Variants in CDC5L observed in about 807,000 individuals in gnomAD.
The protein encoded by CDC5L is cell division cycle 5 like.
In CDC5L, 18 loss-of-function variants were observed where a neutral mutation model predicts 104.1. That is an observed-to-expected ratio of 0.17 (90% CI 0.12 to 0.26). The LOEUF (loss-of-function observed/expected upper bound fraction) is 0.26, where lower values mean the gene tolerates loss of function less well. Among genes scored for constraint, CDC5L ranks in the 10% least tolerant of loss-of-function variants. CDC5L has a pLI of 1.00. For synonymous variants in CDC5L, 331 were observed against 322.7 expected, an observed-to-expected ratio of 1.03 and a Z score of -0.28; for missense variants, 673 against 956.9, an observed-to-expected ratio of 0.70 and a Z score of 3.91.
At chr6:44,405,237 C>T (rs1380403539) in intron 6 of CDC5L, among the ~76,000 whole-genome samples, 1 of 152,066 alleles carries the variant, frequency 6.6e-6, no homozygotes, top group Non-Finnish European at 1.5e-5. Context: ...ACTCCGTTGA[C>T]CTTTCATTTC....
intron 6 of CDC5L, among the ~76,000 whole-genome samples, chr6:44,404,839 T>G (rs1244731518): frequency 6.6e-6 from 1 of 152,094 alleles, no homozygotes; most frequent in Non-Finnish European, 1.5e-5. Context: ...AGTACAGATG[T>G]GTGCCACCAT....
intron 1 of CDC5L, among the ~76,000 whole-genome samples, chr6:44,389,149 A>G (rs1790485448): frequency 6.6e-6 from 1 of 152,188 alleles, no homozygotes; most frequent in Non-Finnish European, 1.5e-5. Flanking sequence ...AATCAAGTAG[A>G]GTAGGTATCT....
intron 1 of CDC5L, among the ~76,000 whole-genome samples, chr6:44,388,876 G>C (rs1209148408): frequency 1.3e-5 from 2 of 151,960 alleles, no homozygotes; most frequent in Non-Finnish European, 2.9e-5. Flanking sequence ...TGTGGTACTC[G>C]GTAAGTTTCT....
At chr6:44,393,638 T>C (rs1790722740) in intron 4 of CDC5L, 65 bp downstream of exon 4, 1 of 1,509,946 alleles carries the variant, frequency 6.6e-7, no homozygotes, top group African/African-American at 1.4e-5. Context: ...CTCACTCTTT[T>C]AGTTCCTTTC....
chr6:44,417,929 A>G (rs1173727673), intron 8 of CDC5L, among the ~76,000 whole-genome samples: 1 of 152,232 alleles, frequency 6.6e-6, no homozygotes, highest in Non-Finnish European at 1.5e-5. Flanking sequence ...TAGTAATTTC[A>G]TATGTGAGGC....
At chr6:44,429,485 A>T (rs1255103382) in intron 13 of CDC5L, among the ~76,000 whole-genome samples, 1 of 152,216 alleles carries the variant, frequency 6.6e-6, no homozygotes, top group African/African-American at 2.4e-5. Flanking sequence ...AAGGATGTTT[A>T]TACTTTTGAG....
In CDC5L at chr6:44,387,940, C is replaced by CGGGG. The variant is rs3215907; in HGVS notation, c.45+76_45+79dup. 9 of 1,464,458 alleles carry CGGGG rather than the reference C, an allele frequency of 6.1e-6. No homozygotes were observed. The East Asian group carries it at 1.3e-4, about 21-fold the overall frequency. The allele number at this position is 1,464,458 out of a possible 1,614,324, so 90.7% of individuals were successfully genotyped here. A position where few individuals can be genotyped will look rare whatever the true frequency, so the allele number is the denominator to read the frequency against. ...AGCTTGTGCGCACGCGCGCGGAGGT[C>CGGGG]GGGGGGGCGACGAGGAGACCCTGTG... On this transcript the variant is annotated intron_variant, in intron 1 of 15. Coordinates refer to ENST00000371477, the MANE Select transcript of CDC5L (RefSeq NM_001253.4).
At chr6:44,411,635 A>AGTGTGTGTGTGTGT (rs372072520) in intron 8 of CDC5L, among the ~76,000 whole-genome samples, 55,344 of 120,748 alleles carry the variant, frequency 0.46, 13,743 homozygotes, top group Non-Finnish European at 0.57. Flanking sequence ...AGAGAGAGAG[A>AGTGTGTGTGTGTGT]GAGTGTGTGT....
chr6:44,388,953 G>A (rs535913369), intron 1 of CDC5L, among the ~76,000 whole-genome samples: 40 of 152,156 alleles, frequency 2.6e-4, no homozygotes, highest in Non-Finnish European at 4.7e-4. Context: ...CCTCTCTTGA[G>A]GATTACACGA....
intron 6 of CDC5L, among the ~76,000 whole-genome samples, chr6:44,405,214 T>C (rs1791311509): frequency 6.6e-6 from 1 of 152,236 alleles, no homozygotes; most frequent in African/African-American, 2.4e-5. Flanking sequence ...TCAAGGGTTT[T>C]TTAAAGTTTT....
At chr6:44,397,971 C>T (rs2153375568) in intron 5 of CDC5L, among the ~76,000 whole-genome samples, 3 of 152,296 alleles carry the variant, frequency 2.0e-5, no homozygotes, top group Middle Eastern at 6.8e-3. Flanking sequence ...CCTAGAATAA[C>T]CTCCCTATCC....
At chr6:44,445,332 G>A (rs752278659) in intron 14 of CDC5L, among the ~76,000 whole-genome samples, 13 of 152,118 alleles carry the variant, frequency 8.5e-5, no homozygotes, top group African/African-American at 1.9e-4. Context: ...AAATAAATAC[G>A]TTGAATGATA....
intron 14 of CDC5L, among the ~76,000 whole-genome samples, chr6:44,434,644 A>G (rs1792842777): frequency 6.6e-6 from 1 of 152,234 alleles, no homozygotes; most frequent in Admixed American, 6.5e-5. Flanking sequence ...GCCCCCAAGC[A>G]AGAGTTTCAG....
intron 8 of CDC5L, among the ~76,000 whole-genome samples, chr6:44,414,730 T>C (rs186591752): frequency 1.3e-5 from 2 of 152,160 alleles, no homozygotes; most frequent in African/African-American, 4.8e-5. Flanking sequence ...ATTTTGTAGG[T>C]TGTGTTTTCA....
At chr6:44,398,840 ATATATG>A (rs1790991021) in intron 5 of CDC5L, among the ~76,000 whole-genome samples, 1 of 152,258 alleles carries the variant, frequency 6.6e-6, no homozygotes, top group Admixed American at 6.5e-5. Context: ...ATTTATGTGT[ATATATG>A]TACACTAACG....
At chr6:44,402,381 A>C (rs1791172108) in intron 5 of CDC5L, among the ~76,000 whole-genome samples, 1 of 152,090 alleles carries the variant, frequency 6.6e-6, no homozygotes, top group Admixed American at 6.6e-5. Context: ...GTTAAAGTAG[A>C]TTTTCTTGAT....
chr6:44,422,400 T>C (rs1231759276), intron 9 of CDC5L, among the ~76,000 whole-genome samples: 1 of 152,186 alleles, frequency 6.6e-6, no homozygotes, highest in Non-Finnish European at 1.5e-5. Flanking sequence ...GTGGACGTAG[T>C]TTAGGAAGGC....
chr6:44,426,040 G>A, intron 11 of CDC5L, 63 bp from the exon 12 acceptor site: 1 of 1,128,138 alleles, frequency 8.9e-7, no homozygotes, highest in Non-Finnish European at 1.3e-6. Flanking sequence ...AGTGTTTTTA[G>A]CTTTACTGAG....
At chr6:44,388,831 C>G (rs897138070) in intron 1 of CDC5L, among the ~76,000 whole-genome samples, 1 of 152,150 alleles carries the variant, frequency 6.6e-6, no homozygotes, top group African/African-American at 2.4e-5. Context: ...TTTGTTAAAA[C>G]TTGCTTTGTC....
Sources: gnomAD v4.1 joint callset for allele counts (sites outside exome capture counted in the v4.1 genomes callset) on GRCh38, gnomAD v4.1.1 for gene constraint, MANE v1.5 for transcripts, NCBI Gene and HGNC (gene_info 2026-07-23, HGNC 2026-07-21) for gene names.